SEC14L2: variants seen among roughly 807,000 people sequenced by gnomAD.
SEC14L2 encodes the protein SEC14-like protein 2.
In SEC14L2, 50 loss-of-function variants were observed where a neutral mutation model predicts 56.9. The ratio of observed to expected loss-of-function variants is 0.88; its 90% CI spans 0.70 to 1.11. SEC14L2 has a LOEUF of 1.11. Ranked by LOEUF, SEC14L2 falls within the 50% of genes most tolerant of loss-of-function variation. The pLI, the probability that SEC14L2 is intolerant of heterozygous loss-of-function variation, is 0.00. For synonymous variants in SEC14L2, 179 were observed against 188.5 expected (o/e 0.95, Z 0.41); for missense variants, 414 against 500.7 (o/e 0.83, Z 1.65).
At chr22:30,410,864 T>G (rs977151483) in intron 8 of SEC14L2, among the ~76,000 whole-genome samples, 185 bp downstream of exon 8, 2 of 152,186 alleles carry the variant, frequency 1.3e-5, no homozygotes, top group African/African-American at 4.8e-5. Context: ...ACTCTTTCTC[T>G]CAGACACTCT....
rs1456738324 is a variant in SEC14L2 at position 30,407,339 on chromosome 22, C to T, written c.235-76C>T. The T allele has an allele frequency of 3.9e-6, 6 of 1,536,816 alleles. No individual in the cohort carries two copies. In the Admixed American group the frequency reaches 8.6e-5, roughly 22 times the overall value. On this transcript the variant is annotated intron_variant, in intron 4 of 11. Coordinates refer to ENST00000615189, the MANE Select transcript of SEC14L2 (RefSeq NM_012429.5). ...GGAGGTAGAGAAAGATACTGATGAACCTGGAGTAAGGCCCTGTGGTCCAGG... is the reference window on the plus strand; with the variant it reads ...GGAGGTAGAGAAAGATACTGATGAATCTGGAGTAAGGCCCTGTGGTCCAGG...
At chr22:30,409,107 T>G (rs768913210) in intron 5 of SEC14L2, 80 bp from the exon 6 acceptor site, 1 of 1,201,068 alleles carries the variant, frequency 8.3e-7, no homozygotes, top group African/African-American at 1.5e-5. Context: ...GGATGCACAG[T>G]GCAATCATTT....
chr22:30,425,248 T>G lies in SEC14L2; in HGVS notation c.*2841T>G, dbSNP rs375905076. The G allele has an allele frequency of 1.7e-5, 3 of 178,842 alleles. No homozygotes were observed. The highest frequency in any genetic ancestry group is 7.1e-5 in the African/African-American group (3 of 42,018). The allele number at this position is 178,842 out of a possible 1,614,324, so 11.1% of individuals were successfully genotyped here. ...TTCAGGTGTAAGACATGGAGAGTCC[T>G]TTAGCGAACATGTAGACTGGCAATA... On this transcript the variant is annotated 3_prime_UTR_variant, in exon 12 of 12. Coordinates refer to ENST00000615189, the MANE Select transcript of SEC14L2 (RefSeq NM_012429.5).
chr22:30,407,547 A>C lies in SEC14L2; in HGVS notation c.367A>C (p.Thr123Pro), dbSNP rs756473165. The C allele has an allele frequency of 7.4e-6, 12 of 1,614,156 alleles. No homozygotes were observed. The South Asian group carries it at 1.3e-4, about 18-fold the overall frequency. The change falls in exon 5 of 12, where the codon ACC becomes CCC. Residue 123 changes from threonine (T) to proline (P), a missense_variant. Coordinates refer to ENST00000615189, the MANE Select transcript of SEC14L2 (RefSeq NM_012429.5). ...FSASKQDLLRTKMRECELLLQ... is the reference protein window; with the variant it reads ...FSASKQDLLRPKMRECELLLQ... ...AGCCTCCAAACAGGACCTGCTGAGG[A>C]CCAAGATGCGGGAGTGTGAGCTGCT...
At chr22:30,417,802 C>T (rs958453864) in intron 11 of SEC14L2, among the ~76,000 whole-genome samples, 1 of 152,028 alleles carries the variant, frequency 6.6e-6, no homozygotes, top group Non-Finnish European at 1.5e-5. Context: ...TCACAGATGT[C>T]TTGGCCTCTC....
intron 2 of SEC14L2, among the ~76,000 whole-genome samples, chr22:30,405,338 A>G (rs1314413227): frequency 1.3e-5 from 2 of 152,172 alleles, no homozygotes; most frequent in Non-Finnish European, 2.9e-5. Flanking sequence ...CTACTCTCTG[A>G]GTGTCTCTGA....
intron 8 of SEC14L2, among the ~76,000 whole-genome samples, chr22:30,413,183 C>G (rs987345780): frequency 6.6e-6 from 1 of 152,182 alleles, no homozygotes; most frequent in Non-Finnish European, 1.5e-5. Flanking sequence ...CCCTGGGGAA[C>G]ATCCGAGCTC....
rs1317314699 is a variant in SEC14L2, at chr22:30,408,964, A to G, written c.424-223A>G. The G allele has an allele frequency of 9.7e-6, 6 of 619,928 alleles. No individual in the cohort carries two copies. In the East Asian group the frequency reaches 1.8e-4, roughly 18 times the overall value. 38.4% of individuals were successfully genotyped at this position (619,928 alleles called of 1,614,324 possible). ...TCTCAGATGTCATCTAGATCCACCC[A>G]GTCATGTACTGGAAAAGAACACAGA... On this transcript the variant is annotated intron_variant, in intron 5 of 11. Coordinates refer to ENST00000615189, the MANE Select transcript of SEC14L2 (RefSeq NM_012429.5).
In SEC14L2 at chr22:30,425,035, G is replaced by A. The variant is rs950256601; in HGVS notation, c.*2628G>A. 4.3e-5 allele frequency: 15 copies of A among 348,234 alleles called. No homozygotes were observed. The highest frequency in any genetic ancestry group is 3.0e-4 in the South Asian group (14 of 46,594). 21.6% of individuals were successfully genotyped at this position (348,234 alleles called of 1,614,324 possible). On this transcript the variant is annotated 3_prime_UTR_variant, in exon 12 of 12. Transcript: ENST00000615189. ...CAGAGTCCAGGCACCTACCTCCCAGGGGCTCACCGTTCACTCCTCTAGCCT... is the reference window on the plus strand; with the variant it reads ...CAGAGTCCAGGCACCTACCTCCCAGAGGCTCACCGTTCACTCCTCTAGCCT...
intron 1 of SEC14L2, chr22:30,397,758 A>AT (rs1933797710): frequency 6.9e-6 from 3 of 434,534 alleles, no homozygotes; most frequent in African/African-American, 4.1e-5. Flanking sequence ...GGCTCCCCCC[A>AT]TGAGGCACTG....
At chr22:30,398,682 C>T (rs1373607920) in intron 1 of SEC14L2, 1 of 471,556 alleles carries the variant, frequency 2.1e-6, no homozygotes, top group South Asian at 1.5e-5. Context: ...TCAAGCCCAG[C>T]ACAAATGCCA....
At chr22:30,407,212 G>A in intron 4 of SEC14L2, 58 bp downstream of exon 4, 9 of 1,590,094 alleles carry the variant, frequency 5.7e-6, no homozygotes, top group Non-Finnish European at 7.8e-6. Flanking sequence ...CCACAACCTG[G>A]GTCCTGGATC....
chr22:30,397,679 CTCGA>C, intron 1 of SEC14L2: 1 of 342,224 alleles, frequency 2.9e-6, no homozygotes, highest in South Asian at 2.2e-5. Flanking sequence ...CTCTTTGCTC[CTCGA>C]TGCCATGGAA....
chr22:30,422,930 G>C lies in SEC14L2; in HGVS notation c.*523G>C, dbSNP rs1224787002. On this transcript the variant is annotated 3_prime_UTR_variant, in exon 12 of 12. Coordinates refer to ENST00000615189, the MANE Select transcript of SEC14L2 (RefSeq NM_012429.5). ...CTGGGGTAGCTTTTGGCTTTTCCCAGGTCTCAGGAGGTGGCCTGAGTCAGC... is the reference window on the plus strand; with the variant it reads ...CTGGGGTAGCTTTTGGCTTTTCCCACGTCTCAGGAGGTGGCCTGAGTCAGC... 6.5e-6 allele frequency: 1 copy of C among 153,334 alleles called. No individual in the cohort carries two copies. Among genetic ancestry groups the C allele is most frequent in the East Asian group, 1.9e-4 (1 of 5,200 alleles). The allele number at this position is 153,334 out of a possible 1,614,324, so 9.5% of individuals were successfully genotyped here.
At position 30,397,085 on chromosome 22, in the gene SEC14L2, C is replaced by T. The variant is rs1019991439; in HGVS notation, c.-32C>T. On this transcript the variant is annotated 5_prime_UTR_variant, in exon 1 of 12. Coordinates refer to ENST00000615189, the MANE Select transcript of SEC14L2 (RefSeq NM_012429.5). ...CAGCTGCCGCACCCGCCGCCTCCCG[C>T]CCCCAAACCCCATCCCCGCGGTTGA... The T allele has an allele frequency of 5.8e-6, 9 of 1,545,092 alleles. No individual in the cohort carries two copies. The African/African-American group carries it at 9.7e-5, about 17-fold the overall frequency.
At chr22:30,401,680 AT>A (rs61523027) in intron 2 of SEC14L2, among the ~76,000 whole-genome samples, 52 of 139,912 alleles carry the variant, frequency 3.7e-4, no homozygotes, top group Non-Finnish European at 4.3e-4. Context: ...CGCCCGGCTA[AT>A]TTTTTTTTTT....
intron 1 of SEC14L2, chr22:30,397,905 G>T: frequency 2.1e-6 from 1 of 470,922 alleles, no homozygotes; most frequent in Non-Finnish European, 4.4e-6. Flanking sequence ...CTGTGACAAG[G>T]AGGGGGCAAC....
At chr22:30,399,301 G>C (rs1933850710) in intron 1 of SEC14L2, among the ~76,000 whole-genome samples, 1 of 151,994 alleles carries the variant, frequency 6.6e-6, no homozygotes, top group Non-Finnish European at 1.5e-5. Context: ...ATCAGGACGA[G>C]GTCAGGAGAT....
At chr22:30,404,927 A>G (rs1370485843) in intron 2 of SEC14L2, among the ~76,000 whole-genome samples, 1 of 152,008 alleles carries the variant, frequency 6.6e-6, no homozygotes, top group Non-Finnish European at 1.5e-5. Context: ...AAAATTAGCC[A>G]GGTGTGGTGG....
Sources: gnomAD v4.1 joint callset for allele counts (sites outside exome capture counted in the v4.1 genomes callset) on GRCh38, gnomAD v4.1.1 for gene constraint, MANE v1.5 for transcripts, NCBI Gene and HGNC (gene_info 2026-07-23, HGNC 2026-07-21) for gene names.